Variants in ALOXE3 observed in about 807,000 individuals in gnomAD.
ALOXE3 encodes the protein arachidonate epidermal lipoxygenase 3.
Under a neutral mutation model 87.5 loss-of-function variants are expected in ALOXE3, and 78 were observed. That is an observed-to-expected ratio of 0.89 (90% CI 0.74 to 1.08). ALOXE3 has a LOEUF of 1.08. ALOXE3 is among the 50% of genes least tolerant of loss of function. The pLI is 0.00. For missense variants in ALOXE3, 946 were observed against 912.4 expected (o/e 1.04, Z -0.47); for synonymous variants, 363 against 370.8 (o/e 0.98, Z 0.24).
At chr17:8,118,800 C>T, upstream of ALOXE3, 1 of 1,537,038 alleles carries the variant, frequency 6.5e-7, no homozygotes, top group Non-Finnish European at 8.7e-7. Flanking sequence ...CAGGACCGCC[C>T]TGGGCCTGCA....
chr17:8,103,346 C>A lies in ALOXE3; in HGVS notation c.1933G>T (p.Val645Phe), dbSNP rs534911629. ...SCNNLLLFWL[V>F]SQEPKDQRPL... is the part of the protein sequence containing the mutation. The stretch of plus-strand genomic sequence containing the variant: ...ACCTGGTCCTTGGGTTCTTGGCTAA[C>A]CAACCAGAAGAGGAGGAGGTTGTTA... The change falls in exon 15 of 16, where the codon GTT becomes TTT. Residue 645 changes from valine (V) to phenylalanine (F), a missense_variant. Transcript: ENST00000448843. 7 of 1,613,890 alleles carry A rather than the reference C, an allele frequency of 4.3e-6. No homozygotes were observed. The highest frequency in any genetic ancestry group is 5.9e-6 in the Non-Finnish European group (7 of 1,179,970).
rs1313281516 is a variant in ALOXE3, at chr17:8,109,206, G to A, written c.1530C>T (p.Asp510=). ...TGGCCGCCCAGATCTTCAGGCCGTC[G>A]TCTCGGTAGTGGTAGTTGGGGATAG... ...VLAIPNYHYR[D]DGLKIWAAIE... is the part of the protein sequence containing the mutation. The change falls in exon 12 of 16, where the codon GAC becomes GAT. Residue 510 remains aspartate, a synonymous_variant. Transcript: ENST00000448843. 6.2e-7 allele frequency: 1 copy of A among 1,613,746 alleles called. No individual in the cohort carries two copies. Among genetic ancestry groups the A allele is most frequent in the Admixed American group, 1.7e-5 (1 of 60,008 alleles).
In ALOXE3 at chr17:8,103,312, C is replaced by A; in HGVS notation, c.1956+11G>T. 1 of 1,613,344 alleles carries A rather than the reference C, an allele frequency of 6.2e-7. No homozygotes were observed. The highest frequency in any genetic ancestry group is 1.1e-5 in the South Asian group (1 of 90,900). On this transcript the variant is annotated intron_variant, in intron 15 of 15. Coordinates refer to ENST00000448843, the MANE Select transcript of ALOXE3 (RefSeq NM_021628.3). The stretch of plus-strand genomic sequence containing the variant: ...AAGAACCCTACTCCCCTCAACATCC[C>A]GTATACACACCTGGTCCTTGGGTTC...
rs538876175 is a variant in ALOXE3, at chr17:8,096,701, C to T, written c.2062G>A (p.Glu688Lys). The T allele has an allele frequency of 6.2e-7, 1 of 1,604,916 alleles. No individual in the cohort carries two copies. Among genetic ancestry groups the T allele is most frequent in the East Asian group, 2.2e-5 (1 of 44,826 alleles). ...RLAQISRDIQ[E>K]RNQGLALPYT... The stretch of plus-strand genomic sequence containing the variant: ...GGCAGTGCCAGACCCTGGTTCCGCT[C>T]CTGGATGTCCCTTGAGATCTGGGCC... The change falls in exon 16 of 16, where the codon GAG becomes AAG. Residue 688 changes from glutamate (E) to lysine (K), a missense_variant. By Grantham distance (56) the Glu-to-Lys change is moderately conservative. Coordinates refer to ENST00000448843, the MANE Select transcript of ALOXE3 (RefSeq NM_021628.3).
chr17:8,118,223 CTAA>C lies in ALOXE3; in HGVS notation c.-236_-234del. 9 of 1,551,650 alleles carry C rather than the reference CTAA, an allele frequency of 5.8e-6. No individual in the cohort carries two copies. Among genetic ancestry groups the C allele is most frequent in the Non-Finnish European group, 7.8e-6 (9 of 1,146,988 alleles). On this transcript the variant is annotated 5_prime_UTR_variant, in exon 2 of 16. Coordinates refer to ENST00000448843, the MANE Select transcript of ALOXE3 (RefSeq NM_021628.3). ...CTCTCTCCGCCCACAGTCTTGCACT[CTAA>C]TACTTGTTTGCTTGCCTCTGACACA...
chr17:8,098,228 G>GTTTTTGT (rs1376807906), intron 15 of ALOXE3, among the ~76,000 whole-genome samples: 1 of 88,136 alleles, frequency 1.1e-5, no homozygotes, highest in African/African-American at 3.3e-5. Context: ...TATACTTTTG[G>GTTTTTGT]TTTTTGTTTT....
chr17:8,112,261 GC>G, intron 6 of ALOXE3, 65 bp from the exon 7 acceptor site: 1 of 1,219,414 alleles, frequency 8.2e-7, no homozygotes, highest in Admixed American at 1.7e-5. Flanking sequence ...ATCACTGTGT[GC>G]CCCTCTGCCT....
At chr17:8,108,441 A>G in intron 13 of ALOXE3, 27 bp downstream of exon 13, 1 of 1,610,498 alleles carries the variant, frequency 6.2e-7, no homozygotes, top group Non-Finnish European at 8.5e-7. Context: ...TCAGAGCTAC[A>G]CGGAAAGTGG....
rs118111721 is a variant in ALOXE3, at chr17:8,106,324, G to A, written c.1685-2109C>T. Among the ~76,000 whole-genome samples the A allele has an allele frequency of 6.7e-3, 1,019 of 152,210 alleles. 5 individuals carry two copies. Among genetic ancestry groups the A allele is most frequent in the Non-Finnish European group, 1.0e-2 (679 of 68,014 alleles). On this transcript the variant is annotated intron_variant, in intron 13 of 15. Coordinates refer to ENST00000448843, the MANE Select transcript of ALOXE3 (RefSeq NM_021628.3). ...GGTTGGGAGGCAAGACCAGACATCCGCCTGGGAGTGTGTGGGAGTTTTCTG... is the reference window on the plus strand; with the variant it reads ...GGTTGGGAGGCAAGACCAGACATCCACCTGGGAGTGTGTGGGAGTTTTCTG...
At chr17:8,114,917 T>C (rs1568004016) in intron 5 of ALOXE3, 21 bp downstream of exon 5, 2 of 1,613,864 alleles carry the variant, frequency 1.2e-6, no homozygotes, top group African/African-American at 2.7e-5. Context: ...TTTCCCCTCC[T>C]TCCCAAGCTT....
Position 8,110,189 on chromosome 17 carries a change from T to C in ALOXE3, c.1208A>G (p.His403Arg), listed in dbSNP as rs1296095311. ...TWVRNSEFLV[H>R]ENNTHFLCTH... Reference sequence around the variant, plus strand: ...GCACAGAAAGTGCGTGTTGTTTTCGTGCACCAGGAACTCAGAGTTGCGCAC... The same window carrying C: ...GCACAGAAAGTGCGTGTTGTTTTCGCGCACCAGGAACTCAGAGTTGCGCAC... The change falls in exon 10 of 16, where the codon CAC becomes CGC. Residue 403 changes from histidine to arginine, a missense_variant. Physicochemically the swap from His to Arg is conservative, Grantham distance 29. Coordinates refer to ENST00000448843, the MANE Select transcript of ALOXE3 (RefSeq NM_021628.3). 3 of 1,614,106 alleles carry C rather than the reference T, an allele frequency of 1.9e-6. No homozygotes were observed. Among genetic ancestry groups the C allele is most frequent in the East Asian group, 2.2e-5 (1 of 44,880 alleles).
At chr17:8,118,650 C>A, upstream of ALOXE3, 3 of 1,537,218 alleles carry the variant, frequency 2.0e-6, no homozygotes, top group Non-Finnish European at 2.6e-6. Context: ...TACACCGATC[C>A]CCCCACGCAT....
At chr17:8,114,070 C>G (rs1176129295) in intron 6 of ALOXE3, among the ~76,000 whole-genome samples, 1 of 151,686 alleles carries the variant, frequency 6.6e-6, no homozygotes, top group African/African-American at 2.4e-5. Context: ...GTGTGGGCAC[C>G]TGGGGAAGGG....
chr17:8,113,853 C>G (rs1269838287), intron 6 of ALOXE3, among the ~76,000 whole-genome samples: 1 of 151,854 alleles, frequency 6.6e-6, no homozygotes, highest in East Asian at 1.9e-4. Flanking sequence ...ATGAAGAAAC[C>G]CCATCTCTAC....
chr17:8,111,857 G>A (rs1980120752), intron 7 of ALOXE3, among the ~76,000 whole-genome samples: 1 of 151,864 alleles, frequency 6.6e-6, no homozygotes, highest in East Asian at 1.9e-4. Context: ...CCTCTCCCAG[G>A]CAAGCAGAGT....
Position 8,096,481 on chromosome 17 carries a change from C to G in ALOXE3, c.*146G>C. On this transcript the variant is annotated 3_prime_UTR_variant, in exon 16 of 16. Transcript: ENST00000448843. ...GGCCCAGTTTGTATGATGTCAGAGC[C>G]ATCTTGGCTGCAAAAGTCTCCATGT... The G allele has an allele frequency of 1.4e-6, 1 of 697,112 alleles. No homozygotes were observed. Among genetic ancestry groups the G allele is most frequent in the Non-Finnish European group, 2.6e-6 (1 of 379,334 alleles). 43.2% of individuals were successfully genotyped at this position (697,112 alleles called of 1,614,324 possible).
rs200286114 is a variant in ALOXE3 at position 8,114,598 on chromosome 17, C to T, written c.566G>A (p.Arg189Gln). The T allele has an allele frequency of 1.2e-5, 19 of 1,613,714 alleles. 2 individuals are homozygous for T. Among genetic ancestry groups the T allele is most frequent in the South Asian group, 7.7e-5 (7 of 91,044 alleles). Residue 189 changes from arginine (R) to glutamine (Q), a missense_variant, in exon 6 of 16, where the codon CGG becomes CAG. By Grantham distance (43) the Arg-to-Gln change is conservative. Coordinates refer to ENST00000448843, the MANE Select transcript of ALOXE3 (RefSeq NM_021628.3). ...CVDQGDSSGN[R>Q]YLPGFPMKID... is the part of the protein sequence containing the mutation. ...TTTCATGGGGAAGCCGGGCAGGTAC[C>T]GATTCCCACTGCTGGGGGTCGGGGG... is the stretch of plus-strand genomic sequence containing the variant.
At position 8,107,968 on chromosome 17, in the gene ALOXE3, G is replaced by A. The variant is rs201235368; in HGVS notation, c.1684+500C>T. Among the ~76,000 whole-genome samples the A allele has an allele frequency of 4.0e-3, 73 of 18,106 alleles. 31 individuals carry two copies. Among genetic ancestry groups the A allele is most frequent in the African/African-American group, 0.014 (67 of 4,732 alleles). The allele number at this position is 18,106 out of a possible 152,430, so 11.9% of individuals were successfully genotyped here. A position where few individuals can be genotyped will look rare whatever the true frequency, so the allele number is the denominator to read the frequency against. On this transcript the variant is annotated intron_variant, in intron 13 of 15. Coordinates refer to ENST00000448843, the MANE Select transcript of ALOXE3 (RefSeq NM_021628.3). The stretch of plus-strand genomic sequence containing the variant: ...AAGAAAGAAAGAAAGAAAGGAAGGA[G>A]AGAGAGAGAGAGAGAAAGAAAGAAA...
intron 15 of ALOXE3, among the ~76,000 whole-genome samples, chr17:8,099,093 A>G (rs1320253871): frequency 6.7e-6 from 1 of 148,288 alleles, no homozygotes; most frequent in Non-Finnish European, 1.5e-5. Flanking sequence ...CCTGGGCCCA[A>G]GCGGTCCTCT....
Sources: allele counts gnomAD v4.1 joint callset (sites outside exome capture counted in the v4.1 genomes callset), GRCh38; gene constraint gnomAD v4.1.1; transcripts MANE v1.5; gene names NCBI Gene and HGNC (gene_info 2026-07-23, HGNC 2026-07-21).